Variants in CLOCK observed in about 807,000 individuals in gnomAD.
CLOCK encodes the protein clock circadian regulator, also known as circadian locomoter output cycles protein kaput.
In CLOCK, 43 loss-of-function variants were observed where a neutral mutation model predicts 118.4. That is an observed-to-expected ratio of 0.36 (90% CI 0.28 to 0.47). CLOCK has a LOEUF of 0.47. Ranked by LOEUF, CLOCK falls within the 20% of genes least tolerant of loss-of-function variation. CLOCK has a pLI of 1.00. For synonymous variants in CLOCK, 326 were observed against 339.2 expected (o/e 0.96, Z 0.43); for missense variants, 846 against 999.9 (o/e 0.85, Z 2.08).
At chr4:55,534,702 T>A (rs11726609) in intron 1 of CLOCK, among the ~76,000 whole-genome samples, 47,285 of 151,960 alleles carry the variant, frequency 0.31, 7,621 homozygotes, top group Middle Eastern at 0.41. Context: ...CAGAACAGAA[T>A]GCTCAATAAA....
chr4:55,435,969 CAA>C (rs1366458378), intron 22 of CLOCK, among the ~76,000 whole-genome samples: 2 of 152,158 alleles, frequency 1.3e-5, no homozygotes, highest in African/African-American at 4.8e-5. Flanking sequence ...GCCAGACAGA[CAA>C]TGCCTTCTGC....
At chr4:55,530,964 T>A (rs888884569) in intron 1 of CLOCK, among the ~76,000 whole-genome samples, 1 of 151,144 alleles carries the variant, frequency 6.6e-6, no homozygotes, top group Non-Finnish European at 1.5e-5. Context: ...GCTCTAAGAG[T>A]GATATCTCCA....
chr4:55,427,992 T>A lies in CLOCK; in HGVS notation c.*7423A>T, dbSNP rs1722306184. 1.3e-5 allele frequency: 2 copies of A among 152,354 alleles called. No homozygotes were observed. Among genetic ancestry groups the A allele is most frequent in the Admixed American group, 1.3e-4 (2 of 15,300 alleles). 9.4% of individuals were successfully genotyped at this position (152,354 alleles called of 1,614,324 possible). On this transcript the variant is annotated 3_prime_UTR_variant, in exon 23 of 23. Coordinates refer to ENST00000513440, the MANE Select transcript of CLOCK (RefSeq NM_004898.4). ...TATGTGCCACATGAAGCAGGTGTTA[T>A]TTTTTGAGAAATGCAGGTGATAACT...
At chr4:55,498,751 T>C (rs1049068016) in intron 2 of CLOCK, among the ~76,000 whole-genome samples, 26 of 152,202 alleles carry the variant, frequency 1.7e-4, no homozygotes, top group African/African-American at 6.3e-4. Context: ...GGTCTTTGCA[T>C]CACGTAAGTA....
intron 15 of CLOCK, chr4:55,452,807 GACTAGT>G: frequency 2.8e-6 from 1 of 355,870 alleles, no homozygotes; most frequent in South Asian, 4.1e-5. Context: ...CCTAGCCAGA[GACTAGT>G]ACATCACTGG....
chr4:55,479,578 A>C, intron 5 of CLOCK, 62 bp downstream of exon 5: 2 of 1,299,558 alleles, frequency 1.5e-6, no homozygotes, highest in Non-Finnish European at 2.2e-6. Flanking sequence ...TTCACTATTT[A>C]TTTACCATTA....
chr4:55,503,014 G>T (rs1728537838), intron 2 of CLOCK, among the ~76,000 whole-genome samples: 1 of 152,114 alleles, frequency 6.6e-6, no homozygotes, highest in Non-Finnish European at 1.5e-5. Flanking sequence ...TGTTGGTGAG[G>T]ATGTAGAACA....
chr4:55,493,112 G>A (rs1466816029), intron 2 of CLOCK, among the ~76,000 whole-genome samples: 1 of 151,746 alleles, frequency 6.6e-6, no homozygotes, highest in Non-Finnish European at 1.5e-5. Context: ...TCCAATACTA[G>A]AGGCCTAGCT....
At chr4:55,522,320 A>AT (rs1300553031) in intron 1 of CLOCK, among the ~76,000 whole-genome samples, 1 of 152,166 alleles carries the variant, frequency 6.6e-6, no homozygotes, top group Non-Finnish European at 1.5e-5. Context: ...CTGAAGTCTA[A>AT]TTTAATTTAA....
intron 14 of CLOCK, 114 bp downstream of exon 14, chr4:55,453,563 C>A: frequency 1.3e-6 from 1 of 743,306 alleles, no homozygotes; most frequent in South Asian, 1.9e-5. Context: ...GATCTATCAG[C>A]AATTGAGAAA....
In CLOCK at chr4:55,497,014, C is replaced by T. The variant is rs569766810; in HGVS notation, c.-135-7549G>A. ...AAAACTGAAGAGGTACTATGTGCTT[C>T]CTATGGCCTCTATAAAAATTATCAC... On this transcript the variant is annotated intron_variant, in intron 2 of 22. Coordinates refer to ENST00000513440, the MANE Select transcript of CLOCK (RefSeq NM_004898.4). Among the ~76,000 whole-genome samples the T allele has an allele frequency of 2.0e-5, 3 of 152,274 alleles. No homozygotes were observed. The East Asian group carries it at 5.8e-4, about 29-fold the overall frequency.
At chr4:55,462,350 G>C (rs776183931) in intron 9 of CLOCK, among the ~76,000 whole-genome samples, 4 of 152,118 alleles carry the variant, frequency 2.6e-5, no homozygotes, top group Non-Finnish European at 1.5e-5. Context: ...GCAGTGGTGT[G>C]ATCTTGACTC....
At position 55,438,265 on chromosome 4, in the gene CLOCK, C is replaced by A. The variant is rs147100605; in HGVS notation, c.2361+17G>T. 1 of 1,613,924 alleles carries A rather than the reference C, an allele frequency of 6.2e-7. No individual in the cohort carries two copies. The highest frequency in any genetic ancestry group is 2.2e-5 in the East Asian group (1 of 44,874). On this transcript the variant is annotated intron_variant, in intron 22 of 22. Coordinates refer to ENST00000513440, the MANE Select transcript of CLOCK (RefSeq NM_004898.4). ...AAGTAAATGAGTTTGAAGCAGCTTC[C>A]CCATGGGGAGAATTACCTGTAAAAA...
At chr4:55,443,562 A>T in intron 20 of CLOCK, 125 bp downstream of exon 20, 1 of 778,434 alleles carries the variant, frequency 1.3e-6, no homozygotes, top group Non-Finnish European at 2.2e-6. Flanking sequence ...TCTCAATACT[A>T]TACTTTCTAA....
rs763492138 is a variant in CLOCK at position 55,459,137 on chromosome 4, T to C, written c.673+11A>G. 20 of 1,525,672 alleles carry C rather than the reference T, an allele frequency of 1.3e-5. No individual in the cohort carries two copies. The highest frequency in any genetic ancestry group is 1.8e-5 in the Non-Finnish European group (20 of 1,099,540). The allele number at this position is 1,525,672 out of a possible 1,614,324, so 94.5% of individuals were successfully genotyped here. A position where few individuals can be genotyped will look rare whatever the true frequency, so the allele number is the denominator to read the frequency against. On this transcript the variant is annotated intron_variant, in intron 10 of 22. Transcript: ENST00000513440. ...GTTAAAACACATTGTGAGAGAAGCATTTTAACTCACCACTGTTTAAAGATT... is the reference window on the plus strand; with the variant it reads ...GTTAAAACACATTGTGAGAGAAGCACTTTAACTCACCACTGTTTAAAGATT...
chr4:55,470,608 C>T (rs1726068304), intron 8 of CLOCK, 109 bp downstream of exon 8: 1 of 736,558 alleles, frequency 1.4e-6, no homozygotes, highest in Middle Eastern at 2.4e-4. Context: ...CTGATTCCTA[C>T]CCCTTTAACG....
intron 3 of CLOCK, chr4:55,486,269 TTCCCTGTCTG>T (rs1727291057): frequency 6.6e-6 from 1 of 152,254 alleles, no homozygotes; most frequent in Admixed American, 6.5e-5. Context: ...CTACAAATTC[TTCCCTGTCTG>T]TATCTACTAT....
At chr4:55,542,533 C>G (rs76601254) in intron 1 of CLOCK, among the ~76,000 whole-genome samples, 3,785 of 151,474 alleles carry the variant, frequency 0.025, 158 homozygotes, top group African/African-American at 0.087. Context: ...CAAACTCCAT[C>G]AGCTAAAAAG....
intron 13 of CLOCK, among the ~76,000 whole-genome samples, chr4:55,454,973 A>G (rs1412134185): frequency 6.6e-6 from 1 of 151,988 alleles, no homozygotes; most frequent in Non-Finnish European, 1.5e-5. Flanking sequence ...TTTAGACAAC[A>G]TCATGGTGCT....
Sources: allele counts gnomAD v4.1 joint callset (sites outside exome capture counted in the v4.1 genomes callset), GRCh38; gene constraint gnomAD v4.1.1; transcripts MANE v1.5; gene names NCBI Gene and HGNC (gene_info 2026-07-23, HGNC 2026-07-21).